MCC: variants seen among roughly 807,000 people sequenced by gnomAD.
The protein encoded by MCC is MCC regulator of Wnt signaling pathway.
In MCC, 90 loss-of-function variants were observed where a neutral mutation model predicts 116.2. That is an observed-to-expected ratio of 0.77 (90% CI 0.65 to 0.92). The LOEUF is 0.92. MCC is among the 40% of genes least tolerant of loss of function. The pLI is 0.00. For synonymous variants in MCC, 578 were observed against 510.5 expected (o/e 1.13, Z -1.78); for missense variants, 1,516 against 1,312.2 (o/e 1.16, Z -2.40).
chr5:113,085,121 CAGG>C, intron 9 of MCC, 40 bp downstream of exon 9: 1 of 1,613,088 alleles, frequency 6.2e-7, no homozygotes, highest in South Asian at 1.1e-5. Context: ...TTCCAGATAA[CAGG>C]AGGTGTTCCC....
At chr5:113,214,074 CCT>C (rs1204693818) in intron 3 of MCC, among the ~76,000 whole-genome samples, 8 of 152,174 alleles carry the variant, frequency 5.3e-5, no homozygotes, top group Admixed American at 3.3e-4. Context: ...TCCTCCCACC[CCT>C]GTCCCCATAT....
At chr5:113,038,170 T>C (rs1429055303) in intron 17 of MCC, among the ~76,000 whole-genome samples, 1 of 150,600 alleles carries the variant, frequency 6.6e-6, no homozygotes, top group Non-Finnish European at 1.5e-5. Context: ...AGGGGATTTT[T>C]AACATAAATA....
In MCC at chr5:113,023,349, C is replaced by T. The variant is rs1750292389; in HGVS notation, c.*3953G>A. On this transcript the variant is annotated 3_prime_UTR_variant, in exon 19 of 19. Coordinates refer to ENST00000408903, the MANE Select transcript of MCC (RefSeq NM_001085377.2). Reference sequence around the variant, plus strand: ...TAAGAGTGCTCAAAGGTGAATCAAACTTGTATATCATTCCTTGTCAAATAG... The same window carrying T: ...TAAGAGTGCTCAAAGGTGAATCAAATTTGTATATCATTCCTTGTCAAATAG... 1 of 152,200 alleles carries T rather than the reference C, an allele frequency of 6.6e-6. No individual in the cohort carries two copies. Among genetic ancestry groups the T allele is most frequent in the Admixed American group, 6.5e-5 (1 of 15,280 alleles). 9.4% of individuals were successfully genotyped at this position (152,200 alleles called of 1,614,324 possible).
In MCC at chr5:113,340,741, G is replaced by A. The variant is rs1302761048; in HGVS notation, c.416-11C>T. On this transcript the variant is annotated splice_polypyrimidine_tract_variant and intron_variant, in intron 2 of 18. Transcript: ENST00000408903. The stretch of plus-strand genomic sequence containing the variant: ...CTGCTGATAAGGCACCTAAGTCCGA[G>A]AGAAGCAGAGAAAATGAAAAGACAT... 1.4e-5 allele frequency: 23 copies of A among 1,609,756 alleles called. No individual in the cohort carries two copies. The highest frequency in any genetic ancestry group is 2.2e-5 in the East Asian group (1 of 44,818).
At chr5:113,263,254 A>G (rs915060478) in intron 3 of MCC, among the ~76,000 whole-genome samples, 1 of 152,208 alleles carries the variant, frequency 6.6e-6, no homozygotes, top group Non-Finnish European at 1.5e-5. Flanking sequence ...AGAAGATTGC[A>G]GCTAAATCTA....
chr5:113,333,137 T>G (rs6894434), intron 3 of MCC, among the ~76,000 whole-genome samples: 86,722 of 151,280 alleles, frequency 0.57, 26,611 homozygotes, highest in African/African-American at 0.75. Context: ...TGATCAAGTG[T>G]TTAAACCAAA....
chr5:113,111,004 C>A (rs905785327), intron 6 of MCC, among the ~76,000 whole-genome samples: 4 of 152,172 alleles, frequency 2.6e-5, no homozygotes, highest in African/African-American at 9.7e-5. Context: ...CGCCTCCACC[C>A]AAGTCCATGG....
intron 3 of MCC, among the ~76,000 whole-genome samples, chr5:113,271,273 C>T (rs998508022): frequency 6.6e-6 from 1 of 152,186 alleles, no homozygotes; most frequent in African/African-American, 2.4e-5. Flanking sequence ...ATGGCACAGT[C>T]ATCTCTTCTA....
chr5:113,409,814 C>T (rs934236279), intron 1 of MCC, among the ~76,000 whole-genome samples: 14 of 152,206 alleles, frequency 9.2e-5, no homozygotes, highest in African/African-American at 3.1e-4. Flanking sequence ...TATTTAGTCT[C>T]TGTCCCTTCC....
At chr5:113,154,325 C>T (rs1230184763) in intron 3 of MCC, among the ~76,000 whole-genome samples, 1 of 152,210 alleles carries the variant, frequency 6.6e-6, no homozygotes, top group East Asian at 1.9e-4. Flanking sequence ...AAATATGTCT[C>T]TTACTGTTAC....
At chr5:113,177,605 C>T (rs1214775146) in intron 3 of MCC, among the ~76,000 whole-genome samples, 2 of 152,138 alleles carry the variant, frequency 1.3e-5, no homozygotes, top group African/African-American at 4.8e-5. Flanking sequence ...ACATTAAGTA[C>T]ATTTTGCCAT....
At chr5:113,041,863 G>T (rs1751725968) in intron 17 of MCC, among the ~76,000 whole-genome samples, 1 of 152,108 alleles carries the variant, frequency 6.6e-6, no homozygotes, top group Non-Finnish European at 1.5e-5. Context: ...AGGTGTGGTG[G>T]CGTGTGCCTG....
chr5:113,331,363 A>G (rs1213677179), intron 3 of MCC, among the ~76,000 whole-genome samples: 1 of 151,728 alleles, frequency 6.6e-6, no homozygotes, highest in African/African-American at 2.4e-5. Context: ...TCCTCCCAGC[A>G]GCTGTTCCTT....
chr5:113,071,108 C>T lies in MCC; in HGVS notation c.1911G>A (p.Leu637=). 6.2e-7 allele frequency: 1 copy of T among 1,613,876 alleles called. No individual in the cohort carries two copies. Among genetic ancestry groups the T allele is most frequent in the Non-Finnish European group, 8.5e-7 (1 of 1,179,874 alleles). The part of the protein sequence containing the change: ...KYESNATALR[L]ALQYSEQCIE... ...TGTGTGCCTACCTGTACTGCAAGGCCAGCCTCAGCGCTGTGGCATTGGATT... is the reference window on the plus strand; with the variant it reads ...TGTGTGCCTACCTGTACTGCAAGGCTAGCCTCAGCGCTGTGGCATTGGATT... Residue 637 remains leucine (L), a synonymous_variant, in exon 12 of 19, where the codon CTG becomes CTA. Coordinates refer to ENST00000408903, the MANE Select transcript of MCC (RefSeq NM_001085377.2).
chr5:113,273,287 C>T (rs28711712), intron 3 of MCC, among the ~76,000 whole-genome samples: 5,865 of 152,126 alleles, frequency 0.039, 385 homozygotes, highest in African/African-American at 0.13. Context: ...ACAAAATATT[C>T]TAAAGGGGGT....
chr5:113,455,295 A>G (rs995196768), intron 1 of MCC, among the ~76,000 whole-genome samples: 1 of 152,160 alleles, frequency 6.6e-6, no homozygotes, highest in Non-Finnish European at 1.5e-5. Flanking sequence ...CTGCTAGCCC[A>G]TATTTTCTCA....
intron 9 of MCC, 79 bp downstream of exon 9, chr5:113,085,085 T>C: frequency 1.9e-6 from 3 of 1,598,436 alleles, no homozygotes; most frequent in Non-Finnish European, 2.6e-6. Context: ...GGCATGCCTG[T>C]ACAGTGGCTA....
At position 113,272,369 on chromosome 5, in the gene MCC, C is replaced by G. The variant is rs567798706; in HGVS notation, c.627+68150G>C. 1.5e-4 allele frequency among the ~76,000 whole-genome samples: 23 copies of G among 152,214 alleles called. No homozygotes were observed. In the South Asian group the frequency reaches 4.6e-3, roughly 30 times the overall value. ...TCTGAATAAATACTATGAATTTTTTCTTTTAATCTCAGAGGAGCCTGCAAG... is the reference window on the plus strand; with the variant it reads ...TCTGAATAAATACTATGAATTTTTTGTTTTAATCTCAGAGGAGCCTGCAAG... On this transcript the variant is annotated intron_variant, in intron 3 of 18. Transcript: ENST00000408903.
chr5:113,306,519 C>A (rs1766988668), intron 3 of MCC, among the ~76,000 whole-genome samples: 1 of 152,116 alleles, frequency 6.6e-6, no homozygotes, highest in Non-Finnish European at 1.5e-5. Flanking sequence ...ATTTGTATAT[C>A]TTCTCTGGAG....
Sources: gnomAD v4.1 joint callset for allele counts (sites outside exome capture counted in the v4.1 genomes callset) on GRCh38, gnomAD v4.1.1 for gene constraint, MANE v1.5 for transcripts, NCBI Gene and HGNC (gene_info 2026-07-23, HGNC 2026-07-21) for gene names.